PTPRD: variants seen among roughly 807,000 people sequenced by gnomAD.
PTPRD encodes the protein receptor-type tyrosine-protein phosphatase delta.
Under a neutral mutation model 214.5 loss-of-function variants are expected in PTPRD, and 34 were observed. That is an observed-to-expected ratio of 0.16 (90% CI 0.12 to 0.21). PTPRD has a LOEUF of 0.21. Ranked by LOEUF, PTPRD falls within the 10% of genes least tolerant of loss-of-function variation. The pLI is 1.00. For synonymous variants in PTPRD, 1,128 were observed against 845.7 expected (o/e 1.33, Z -5.79); for missense variants, 2,545 against 2,398.7 (o/e 1.06, Z -1.27).
At chr9:10,199,499 C>G (rs1020966434) in intron 3 of PTPRD, among the ~76,000 whole-genome samples, 5 of 151,978 alleles carry the variant, frequency 3.3e-5, no homozygotes, top group Admixed American at 3.3e-4. Context: ...ATCTTCTAAT[C>G]AAAACAGAGA....
chr9:9,308,711 C>T (rs998109756), intron 9 of PTPRD, among the ~76,000 whole-genome samples: 2 of 152,116 alleles, frequency 1.3e-5, no homozygotes, highest in Non-Finnish European at 2.9e-5. Flanking sequence ...TATAATTAGG[C>T]ACTTATTTTT....
At chr9:8,847,053 T>A (rs759791675) in intron 11 of PTPRD, among the ~76,000 whole-genome samples, 3 of 152,118 alleles carry the variant, frequency 2.0e-5, no homozygotes, top group East Asian at 1.9e-4. Flanking sequence ...AGACAGTGAA[T>A]AATTTGGTGG....
At chr9:8,783,261 GAAT>G (rs1363203847) in intron 11 of PTPRD, among the ~76,000 whole-genome samples, 1 of 152,140 alleles carries the variant, frequency 6.6e-6, no homozygotes, top group African/African-American at 2.4e-5. Flanking sequence ...ACAAGTGAAT[GAAT>G]AATGACATAA....
At chr9:9,953,125 C>G (rs536802642) in intron 4 of PTPRD, among the ~76,000 whole-genome samples, 144 of 152,236 alleles carry the variant, frequency 9.5e-4, no homozygotes, top group African/African-American at 3.4e-3. Context: ...TTTGTTCATA[C>G]AGAACCAAAA....
Position 8,735,598 on chromosome 9 carries a change from C to A in PTPRD, c.-103-1652G>T, listed in dbSNP as rs558162112. 2.1e-4 allele frequency among the ~76,000 whole-genome samples: 32 copies of A among 152,204 alleles called. No individual in the cohort carries two copies. The East Asian group carries it at 3.3e-3, about 16-fold the overall frequency. On this transcript the variant is annotated intron_variant, in intron 11 of 45. Coordinates refer to ENST00000381196, the MANE Select transcript of PTPRD (RefSeq NM_002839.4). The stretch of plus-strand genomic sequence containing the variant: ...GGAAACCATCTTCTATTAGGAAAAC[C>A]AGAAGATGAAGCAAAAGAAAATGGT...
At chr9:10,531,059 C>T (rs2056116568) in intron 2 of PTPRD, among the ~76,000 whole-genome samples, 1 of 151,974 alleles carries the variant, frequency 6.6e-6, no homozygotes, top group Non-Finnish European at 1.5e-5. Context: ...AAGTAATTCT[C>T]CTGCGTAAGC....
At chr9:9,336,089 A>G (rs1199855058) in intron 9 of PTPRD, among the ~76,000 whole-genome samples, 1 of 152,156 alleles carries the variant, frequency 6.6e-6, no homozygotes, top group East Asian at 1.9e-4. Context: ...GATACGACAC[A>G]CACATAATCT....
intron 3 of PTPRD, among the ~76,000 whole-genome samples, chr9:10,233,250 G>A (rs2099617962): frequency 6.6e-6 from 1 of 151,942 alleles, no homozygotes; most frequent in Non-Finnish European, 1.5e-5. Flanking sequence ...GAAAGTGAGG[G>A]GCTTGGATGT....
At chr9:9,883,150 ACCCCC>A (rs1164054038) in intron 5 of PTPRD, among the ~76,000 whole-genome samples, 43 of 151,994 alleles carry the variant, frequency 2.8e-4, no homozygotes, top group African/African-American at 1.0e-3. Context: ...AAATGAACAA[ACCCCC>A]CAAGAGGCGA....
At chr9:8,743,728 C>T (rs975307600) in intron 11 of PTPRD, among the ~76,000 whole-genome samples, 3 of 151,408 alleles carry the variant, frequency 2.0e-5, no homozygotes, top group African/African-American at 7.3e-5. Context: ...ATAGCAAATG[C>T]AACAAAAACA....
At chr9:8,821,350 C>A (rs894517702) in intron 11 of PTPRD, among the ~76,000 whole-genome samples, 5 of 152,142 alleles carry the variant, frequency 3.3e-5, no homozygotes, top group Non-Finnish European at 7.3e-5. Flanking sequence ...CACTCCTGGA[C>A]TCCTGTTACC....
intron 21 of PTPRD, among the ~76,000 whole-genome samples, chr9:8,516,528 T>C (rs942994968): frequency 4.6e-5 from 7 of 152,080 alleles, no homozygotes; most frequent in African/African-American, 1.7e-4. Flanking sequence ...GACCATGCCA[T>C]GAAAACAAGT....
At chr9:8,737,900 C>A (rs1199149657) in intron 11 of PTPRD, among the ~76,000 whole-genome samples, 1 of 152,246 alleles carries the variant, frequency 6.6e-6, no homozygotes, top group African/African-American at 2.4e-5. Flanking sequence ...CCGCTCGCCT[C>A]GGCCTCCCAA....
intron 3 of PTPRD, among the ~76,000 whole-genome samples, chr9:10,136,553 T>C (rs1192228386): frequency 7.1e-6 from 1 of 141,296 alleles, no homozygotes; most frequent in Non-Finnish European, 1.5e-5. Flanking sequence ...CAAAGTATGA[T>C]AAAAATTAAA....
At chr9:8,404,730 C>A in intron 35 of PTPRD, 70 bp from the exon 36 acceptor site, 1 of 1,507,860 alleles carries the variant, frequency 6.6e-7, no homozygotes, top group Non-Finnish European at 8.9e-7. Context: ...GCATTTATCA[C>A]ATGTAATAAA....
chr9:9,948,447 A>T (rs185148528), intron 4 of PTPRD, among the ~76,000 whole-genome samples: 4 of 152,104 alleles, frequency 2.6e-5, no homozygotes, highest in African/African-American at 9.7e-5. Flanking sequence ...AGTCTTACTG[A>T]ATCTTTGGCA....
At chr9:10,053,881 A>C (rs1277854221) in intron 3 of PTPRD, among the ~76,000 whole-genome samples, 1 of 151,886 alleles carries the variant, frequency 6.6e-6, no homozygotes, top group African/African-American at 2.4e-5. Context: ...GCCTCATCCT[A>C]CTGAGTAGCG....
At chr9:8,818,549 C>A (rs1163966839) in intron 11 of PTPRD, among the ~76,000 whole-genome samples, 1 of 152,120 alleles carries the variant, frequency 6.6e-6, no homozygotes, top group African/African-American at 2.4e-5. Context: ...TCTCATTTTA[C>A]AGATTAAAAC....
At chr9:9,508,216 A>G (rs2096615366) in intron 8 of PTPRD, among the ~76,000 whole-genome samples, 1 of 151,480 alleles carries the variant, frequency 6.6e-6, no homozygotes, top group South Asian at 2.1e-4. Context: ...GATAATTTTT[A>G]AATTTGTGGT....
Sources: gnomAD v4.1 joint callset for allele counts (sites outside exome capture counted in the v4.1 genomes callset) on GRCh38, gnomAD v4.1.1 for gene constraint, MANE v1.5 for transcripts, NCBI Gene and HGNC (gene_info 2026-07-23, HGNC 2026-07-21) for gene names.